Variants in PUM1 observed in about 807,000 individuals in gnomAD.
PUM1 encodes pumilio RNA binding family member 1.
Under a neutral mutation model 131.8 loss-of-function variants are expected in PUM1, and 13 were observed. The ratio of observed to expected loss-of-function variants is 0.10; its 90% CI spans 0.06 to 0.16. The LOEUF is 0.16. PUM1 is among the 10% of genes least tolerant of loss of function. The pLI, the probability that PUM1 is intolerant of heterozygous loss-of-function variation, is 1.00. For missense variants in PUM1, 961 were observed against 1,512.4 expected (o/e 0.64, Z 6.05); for synonymous variants, 509 against 556.5 (o/e 0.91, Z 1.20).
chr1:30,967,339 T>A, intron 11 of PUM1, 29 bp from the exon 12 acceptor site: 12 of 1,599,504 alleles, frequency 7.5e-6, no homozygotes, highest in Non-Finnish European at 1.0e-5. Flanking sequence ...CAAAGAAATG[T>A]ATATGTTAAA....
Position 31,041,540 on chromosome 1 carries a change from C to T in PUM1, c.364-12676G>A, listed in dbSNP as rs1241671591. Among the ~76,000 whole-genome samples, 6 of 152,084 alleles carry T rather than the reference C, an allele frequency of 3.9e-5. No individual in the cohort carries two copies. The East Asian group carries it at 1.2e-3, about 29-fold the overall frequency. ...TGAACCTAGTGTGTAGTGTCTGGGT[C>T]ATGGGGGCCCATCCCTCAGGAAGTA... On this transcript the variant is annotated intron_variant, in intron 2 of 21. Transcript: ENST00000426105.
At chr1:31,056,609 C>CTTTTTTTTTTTTTTTTTTTTT (rs57685772) in intron 2 of PUM1, among the ~76,000 whole-genome samples, 3 of 43,688 alleles carry the variant, frequency 6.9e-5, no homozygotes, top group Admixed American at 4.0e-4. Context: ...CTTTTCTTTT[C>CTTTTTTTTTTTTTTTTTTTTT]TTTTTTTTTT....
intron 7 of PUM1, among the ~76,000 whole-genome samples, chr1:30,988,855 C>T (rs1291393380): frequency 2.0e-5 from 3 of 152,300 alleles, no homozygotes; most frequent in South Asian, 2.1e-4. Context: ...TCATTGAGCC[C>T]TCCCCTTGTC....
intron 10 of PUM1, among the ~76,000 whole-genome samples, chr1:30,970,078 T>C (rs1398446919): frequency 2.6e-5 from 4 of 152,284 alleles, no homozygotes; most frequent in Admixed American, 1.3e-4. Flanking sequence ...CAAGCAAAAA[T>C]GCAAAACCCA....
chr1:30,946,235 C>A (rs1639659430), intron 17 of PUM1, among the ~76,000 whole-genome samples: 2 of 151,920 alleles, frequency 1.3e-5, no homozygotes, highest in African/African-American at 4.8e-5. Context: ...TTAAATATCC[C>A]TAATTTACAG....
chr1:30,937,484 G>A (rs1182481405), intron 20 of PUM1, among the ~76,000 whole-genome samples: 4 of 152,042 alleles, frequency 2.6e-5, no homozygotes, highest in East Asian at 2.0e-4. Context: ...CAGCCTGAGC[G>A]ACAGAGCAAG....
chr1:31,064,722 C>G (rs1644442715), intron 1 of PUM1, among the ~76,000 whole-genome samples: 1 of 116,006 alleles, frequency 8.6e-6, no homozygotes, highest in Non-Finnish European at 1.6e-5. Context: ...AAAGCCTTCT[C>G]TGGTAATGCT....
At position 30,992,531 on chromosome 1, in the gene PUM1, G is replaced by A. The variant is rs759784634; in HGVS notation, c.1017C>T (p.Asn339=). The change falls in exon 7 of 22, where the codon AAC becomes AAT. Residue 339 remains asparagine, a synonymous_variant. Transcript: ENST00000426105. ...NGAKPVEDFS[N]MESQSVPLDP... is the part of the protein sequence containing the mutation. ...CCAAGGGGACACTCTGGGACTCCAT[G>A]TTGGAGAAATCCTCCACAGGCTTGG... is the stretch of plus-strand genomic sequence containing the variant. 6.2e-7 allele frequency: 1 copy of A among 1,614,232 alleles called. No individual in the cohort carries two copies. The highest frequency in any genetic ancestry group is 1.1e-5 in the South Asian group (1 of 91,090).
chr1:30,952,704 A>AGGGGGGGG (rs1639996608), intron 15 of PUM1, among the ~76,000 whole-genome samples: 2 of 35,320 alleles, frequency 5.7e-5, no homozygotes, highest in Admixed American at 4.3e-4. Context: ...CGGGAGGGGC[A>AGGGGGGGG]GGGGTGCAGG....
chr1:30,946,590 T>G (rs1365816931), intron 17 of PUM1, among the ~76,000 whole-genome samples: 7 of 148,980 alleles, frequency 4.7e-5, no homozygotes, highest in African/African-American at 1.7e-4. Flanking sequence ...TGAGGCAAGA[T>G]TGTGCCACTG....
intron 7 of PUM1, 77 bp downstream of exon 7, chr1:30,992,312 AT>A: frequency 6.5e-7 from 1 of 1,536,704 alleles, no homozygotes; most frequent in Non-Finnish European, 8.8e-7. Flanking sequence ...CACCTCCCCC[AT>A]CCCCCCATTC....
intron 14 of PUM1, among the ~76,000 whole-genome samples, chr1:30,957,388 A>G (rs1280410735): frequency 6.6e-6 from 1 of 152,242 alleles, no homozygotes; most frequent in East Asian, 1.9e-4. Context: ...GCGAATGCAC[A>G]AATGTGCTTT....
chr1:31,011,222 C>CTAAAT (rs1328627151), intron 3 of PUM1, among the ~76,000 whole-genome samples: 1 of 149,076 alleles, frequency 6.7e-6, no homozygotes, highest in Non-Finnish European at 1.5e-5. Flanking sequence ...TTTTAAGCCA[C>CTAAAT]TAAATTTTAG....
intron 3 of PUM1, among the ~76,000 whole-genome samples, chr1:31,020,156 CAT>C (rs1156682384): frequency 6.6e-6 from 1 of 152,146 alleles, no homozygotes; most frequent in Non-Finnish European, 1.5e-5. Context: ...CAAGTGAGAA[CAT>C]GTGGTATTTG....
chr1:30,941,876 A>C (rs1639450134), intron 19 of PUM1, 122 bp downstream of exon 19: 3 of 1,098,074 alleles, frequency 2.7e-6, no homozygotes, highest in Non-Finnish European at 3.9e-6. Context: ...ATACAACCAC[A>C]AGATTCAAGG....
chr1:30,945,313 T>G, intron 18 of PUM1, 33 bp downstream of exon 18: 1 of 1,608,196 alleles, frequency 6.2e-7, no homozygotes, highest in African/African-American at 1.3e-5. Context: ...GGAAATAAAT[T>G]TGTTTCCATT....
chr1:30,974,755 C>G lies in PUM1; in HGVS notation c.1402G>C (p.Val468Leu), dbSNP rs1364637376. The change falls in exon 10 of 22, where the codon GTC becomes CTC. Residue 468 changes from valine (V) to leucine (L), a missense_variant. Around this residue, in one of 4 missense-constraint regions of PUM1, gnomAD observed 654 missense variants for 923.9 expected, o/e 0.71. Transcript: ENST00000426105. Reference protein sequence around the residue: ...HQYYGVTPWGVYPASLFQQQA... With the variant: ...HQYYGVTPWGLYPASLFQQQA... The stretch of plus-strand genomic sequence containing the variant: ...TGCTGGAAAAGACTGGCAGGGTAGA[C>G]TCCCCAGGGAGTAACTCCATAATAC... 6 of 1,612,742 alleles carry G rather than the reference C, an allele frequency of 3.7e-6. No individual in the cohort carries two copies. In the Admixed American group the frequency reaches 8.4e-5, roughly 22 times the overall value.
In PUM1 at chr1:30,933,479, C is replaced by CAT. The variant is rs1553142842; in HGVS notation, c.3436-138_3436-137insAT. The CAT allele has an allele frequency of 6.6e-5, 57 of 857,586 alleles. No individual in the cohort carries two copies. In the East Asian group the frequency reaches 1.4e-3, roughly 21 times the overall value. The allele number at this position is 857,586 out of a possible 1,614,324, so 53.1% of individuals were successfully genotyped here. Reference sequence around the variant, plus strand: ...ACACACACACACACACACACACACACACACACCCCTACAGCAATACCTTTC... The same window carrying CAT: ...ACACACACACACACACACACACACACATACACACCCCTACAGCAATACCTTTC... On this transcript the variant is annotated intron_variant, in intron 21 of 21. Transcript: ENST00000426105.
intron 2 of PUM1, among the ~76,000 whole-genome samples, chr1:31,040,771 T>C (rs1409268528): frequency 6.6e-6 from 1 of 151,774 alleles, no homozygotes. Flanking sequence ...AAAATAAAAA[T>C]TTATTTTATC....
Sources: gnomAD v4.1 joint callset for allele counts (sites outside exome capture counted in the v4.1 genomes callset) on GRCh38, gnomAD v4.1.1 for gene constraint, gnomAD v4.1.1 regional missense constraint, MANE v1.5 for transcripts, NCBI Gene and HGNC (gene_info 2026-07-23, HGNC 2026-07-21) for gene names.